The following TLK2 variants were observed in gnomAD, a reference collection of about 807,000 sequenced individuals.
TLK2 encodes tousled like kinase 2.
A neutral mutation model predicts 117.3 loss-of-function variants in TLK2; 6 were observed. The observed-to-expected ratio is 0.05, with a 90% CI of 0.03 to 0.10. The LOEUF (loss-of-function observed/expected upper bound fraction) is 0.10, where lower values mean the gene tolerates loss of function less well. Ranked by LOEUF, TLK2 falls within the 10% of genes least tolerant of loss-of-function variation. The probability of loss-of-function intolerance (pLI) is 1.00; values close to 1 mark genes in which losing one functional copy is unlikely to be tolerated. For missense variants in TLK2, 299 were observed against 901.2 expected, an observed-to-expected ratio of 0.33 and a Z score of 8.56; for synonymous variants, 257 against 316.7, an observed-to-expected ratio of 0.81 and a Z score of 2.00.
At chr17:62,533,872 A>G (rs1254821346) in intron 6 of TLK2, among the ~76,000 whole-genome samples, 2 of 152,322 alleles carry the variant, frequency 1.3e-5, no homozygotes, top group South Asian at 2.1e-4. Context: ...AATTTTTTAT[A>G]TATGATAAAA....
upstream of TLK2, among the ~76,000 whole-genome samples, chr17:62,476,858 G>C (rs1294016914): frequency 6.6e-6 from 1 of 151,928 alleles, no homozygotes; most frequent in African/African-American, 2.4e-5. Flanking sequence ...GAGATGGGCG[G>C]ATCAACTGAG....
At chr17:62,556,458 C>T (rs549795821) in intron 9 of TLK2, among the ~76,000 whole-genome samples, 23 of 152,286 alleles carry the variant, frequency 1.5e-4, no homozygotes, top group South Asian at 2.1e-4. Flanking sequence ...TAAATTTTCT[C>T]TGCCTTACCG....
intron 2 of TLK2, among the ~76,000 whole-genome samples, chr17:62,504,389 GT>G (rs1437267277): frequency 1.3e-5 from 2 of 152,142 alleles, no homozygotes; most frequent in African/African-American, 4.8e-5. Flanking sequence ...TCATACAGTG[GT>G]TCAGAGATTT....
At chr17:62,593,302 CT>C (rs1423325004) in intron 16 of TLK2, among the ~76,000 whole-genome samples, 1 of 152,124 alleles carries the variant, frequency 6.6e-6, no homozygotes, top group Non-Finnish European at 1.5e-5. Flanking sequence ...CTACTGTAGA[CT>C]TTATAAACAC....
intron 2 of TLK2, among the ~76,000 whole-genome samples, chr17:62,500,810 A>G (rs1336231822): frequency 2.0e-5 from 3 of 152,212 alleles, no homozygotes; most frequent in Non-Finnish European, 4.4e-5. Context: ...TATCTGGAAA[A>G]TCTCCGAATA....
At chr17:62,528,802 T>C (rs902940415) in intron 6 of TLK2, among the ~76,000 whole-genome samples, 5 of 152,180 alleles carry the variant, frequency 3.3e-5, no homozygotes, top group African/African-American at 1.2e-4. Context: ...AAACCTAAAA[T>C]ATTTGTCTGG....
chr17:62,500,545 T>G (rs2074101922), intron 2 of TLK2, among the ~76,000 whole-genome samples: 1 of 152,192 alleles, frequency 6.6e-6, no homozygotes, highest in African/African-American at 2.4e-5. Flanking sequence ...ATTACAACAT[T>G]GTTCCTTAAT....
intron 1 of TLK2, among the ~76,000 whole-genome samples, chr17:62,480,694 A>G (rs1054013710): frequency 2.0e-5 from 3 of 152,162 alleles, no homozygotes; most frequent in African/African-American, 4.8e-5. Flanking sequence ...AATGATTCAT[A>G]TTTTTAGTTT....
intron 20 of TLK2, 116 bp from the exon 21 acceptor site, chr17:62,607,925 C>G (rs2083437628): frequency 3.7e-6 from 3 of 820,550 alleles, no homozygotes; most frequent in Non-Finnish European, 5.7e-6. Flanking sequence ...TCCAGAGTTC[C>G]TTGCAGCAAT....
intron 20 of TLK2, 81 bp downstream of exon 20, chr17:62,606,322 C>T: frequency 5.5e-6 from 4 of 723,332 alleles, no homozygotes; most frequent in Non-Finnish European, 2.2e-6. Context: ...ATGGATTAGT[C>T]TATTGGAGTT....
At chr17:62,523,368 C>G (rs62076079) in intron 5 of TLK2, among the ~76,000 whole-genome samples, 191 bp downstream of exon 5, 14,234 of 152,102 alleles carry the variant, frequency 0.094, 936 homozygotes, top group Non-Finnish European at 0.13. Flanking sequence ...CGCTTGAACC[C>G]ATGAGTTCGA....
chr17:62,562,840 C>G (rs1314461305), intron 10 of TLK2, among the ~76,000 whole-genome samples: 2 of 152,164 alleles, frequency 1.3e-5, no homozygotes, highest in Non-Finnish European at 2.9e-5. Flanking sequence ...CAAATGTTGG[C>G]CGGGCATGGT....
At chr17:62,529,604 T>C (rs1027705886) in intron 6 of TLK2, among the ~76,000 whole-genome samples, 2 of 152,224 alleles carry the variant, frequency 1.3e-5, no homozygotes, top group African/African-American at 4.8e-5. Context: ...TATAACTATT[T>C]CCATTCTTAA....
intron 2 of TLK2, among the ~76,000 whole-genome samples, chr17:62,489,166 T>G (rs1380488446): frequency 4.5e-5 from 6 of 132,402 alleles, no homozygotes; most frequent in Non-Finnish European, 9.9e-5. Context: ...GTTCTGTATT[T>G]AATTGTACGT....
chr17:62,580,057 G>A (rs1192316618), intron 14 of TLK2, 54 bp from the exon 15 acceptor site: 20 of 1,473,244 alleles, frequency 1.4e-5, no homozygotes, highest in East Asian at 9.1e-5. Flanking sequence ...TTTTGCAAGC[G>A]TGGAAGACTG....
intron 7 of TLK2, among the ~76,000 whole-genome samples, chr17:62,539,492 T>TTC (rs2077352862): frequency 1.3e-5 from 2 of 149,088 alleles, no homozygotes; most frequent in Non-Finnish European, 3.0e-5. Context: ...TTTTTTTTTT[T>TTC]CAATTGAGAC....
intron 11 of TLK2, among the ~76,000 whole-genome samples, chr17:62,566,040 T>G (rs2079761044): frequency 6.6e-6 from 1 of 152,234 alleles, no homozygotes; most frequent in African/African-American, 2.4e-5. Flanking sequence ...TCATAACTTT[T>G]GATTTGAAAC....
chr17:62,543,015 G>GTTGC (rs2077648363), intron 7 of TLK2, among the ~76,000 whole-genome samples: 2 of 152,100 alleles, frequency 1.3e-5, no homozygotes, highest in South Asian at 4.1e-4. Flanking sequence ...ATCTGTGCCT[G>GTTGC]TTGCTCTACA....
chr17:62,533,367 G>GGTGTGTGTGTGT (rs369887924), intron 6 of TLK2, among the ~76,000 whole-genome samples: 1 of 111,122 alleles, frequency 9.0e-6, no homozygotes, highest in Non-Finnish European at 1.9e-5. Flanking sequence ...TCCTATACGG[G>GGTGTGTGTGTGT]GTGTGTGTGT....
Sources: gnomAD v4.1 joint callset for allele counts (sites outside exome capture counted in the v4.1 genomes callset) on GRCh38, gnomAD v4.1.1 for gene constraint, MANE v1.5 for transcripts, NCBI Gene and HGNC (gene_info 2026-07-23, HGNC 2026-07-21) for gene names.